Variants in SRGAP2 observed in about 807,000 individuals in gnomAD.
SRGAP2 encodes SLIT-ROBO Rho GTPase activating protein 2, also known as SLIT-ROBO Rho GTPase-activating protein 2.
SRGAP2 carries 15 observed loss-of-function variants against 57.2 expected under a neutral mutation model. That is an observed-to-expected ratio of 0.26 (90% CI 0.18 to 0.40). The LOEUF (loss-of-function observed/expected upper bound fraction) is 0.40. Among genes scored for constraint, SRGAP2 ranks in the 10% least tolerant of loss-of-function variants. The pLI, the probability that SRGAP2 is intolerant of heterozygous loss-of-function variation, is 1.00. For missense variants in SRGAP2, 520 were observed against 669.6 expected, an observed-to-expected ratio of 0.78 and a Z score of 2.47; for synonymous variants, 249 against 248.0, an observed-to-expected ratio of 1.00 and a Z score of -0.04.
intron 2 of SRGAP2, among the ~76,000 whole-genome samples, chr1:206,266,684 C>T (rs549729260): frequency 1.3e-5 from 2 of 151,744 alleles, no homozygotes; most frequent in South Asian, 4.2e-4. Flanking sequence ...AGCTGCCTTA[C>T]CAGCTATGCT....
intron 14 of SRGAP2, among the ~76,000 whole-genome samples, chr1:206,433,454 C>T (rs1661439883): frequency 6.6e-6 from 1 of 152,090 alleles, no homozygotes; most frequent in Non-Finnish European, 1.5e-5. Flanking sequence ...GCCTGGCCAA[C>T]ATGGCGAAAC....
chr1:206,458,279 G>C, intron 21 of SRGAP2: 1 of 499,004 alleles, frequency 2.0e-6, no homozygotes, highest in Admixed American at 2.4e-5. Flanking sequence ...TGGGGCCTTA[G>C]GTTTCTGTTC....
intron 17 of SRGAP2, among the ~76,000 whole-genome samples, chr1:206,440,330 A>G (rs1323100797): frequency 6.6e-6 from 1 of 152,228 alleles, no homozygotes; most frequent in African/African-American, 2.4e-5. Context: ...AGTGCTTAGA[A>G]GAAAAATAAA....
chr1:206,394,682 G>A (rs1466759594), intron 7 of SRGAP2, among the ~76,000 whole-genome samples: 2 of 151,886 alleles, frequency 1.3e-5, no homozygotes, highest in African/African-American at 2.4e-5. Context: ...TGAGGAAAGC[G>A]GCTAATAGGC....
intron 13 of SRGAP2, among the ~76,000 whole-genome samples, chr1:206,426,744 G>A (rs1401261483): frequency 1.3e-5 from 2 of 152,142 alleles, no homozygotes; most frequent in Admixed American, 6.5e-5. Flanking sequence ...TCACATACCT[G>A]TTGGCCATTT....
chr1:206,443,395 A>T (rs1662482871), intron 17 of SRGAP2, among the ~76,000 whole-genome samples: 1 of 152,154 alleles, frequency 6.6e-6, no homozygotes, highest in Non-Finnish European at 1.5e-5. Flanking sequence ...TGTTTTTGAG[A>T]TGGAGTTTTG....
At chr1:206,334,306 C>T (rs1427738607) in intron 3 of SRGAP2, among the ~76,000 whole-genome samples, 2 of 149,348 alleles carry the variant, frequency 1.3e-5, no homozygotes, top group African/African-American at 2.5e-5. Context: ...TCCTGCACCC[C>T]CACACAAAAA....
chr1:206,431,071 A>G (rs1401134671), intron 14 of SRGAP2, among the ~76,000 whole-genome samples: 2 of 152,192 alleles, frequency 1.3e-5, no homozygotes, highest in Non-Finnish European at 2.9e-5. Flanking sequence ...ATTCAGAGGC[A>G]GCTATTCTCT....
At chr1:206,295,810 T>C (rs1671557680) in intron 2 of SRGAP2, among the ~76,000 whole-genome samples, 1 of 152,228 alleles carries the variant, frequency 6.6e-6, no homozygotes, top group Non-Finnish European at 1.5e-5. Flanking sequence ...TCAGAAATCC[T>C]CACTTTATCC....
At chr1:206,352,662 ATTTG>A (rs1267076296) in intron 4 of SRGAP2, among the ~76,000 whole-genome samples, 3 of 138,564 alleles carry the variant, frequency 2.2e-5, no homozygotes, top group Non-Finnish European at 3.0e-5. Context: ...CCATTTAAAA[ATTTG>A]TTTGTGTAAA....
At chr1:206,373,973 GACATATATGGAT>G (rs1462556257) in intron 4 of SRGAP2, among the ~76,000 whole-genome samples, 1 of 149,518 alleles carries the variant, frequency 6.7e-6, no homozygotes, top group Non-Finnish European at 1.5e-5. Context: ...TGACCTAAAT[GACATATATGGAT>G]ACTGCGCCTG....
At chr1:206,313,037 G>T (rs1418451081) in intron 3 of SRGAP2, among the ~76,000 whole-genome samples, 1 of 151,224 alleles carries the variant, frequency 6.6e-6, no homozygotes, top group Non-Finnish European at 1.5e-5. Context: ...GCTTTTAATA[G>T]CTCATTTTTT....
chr1:206,389,205 T>C (rs3098609), intron 5 of SRGAP2, among the ~76,000 whole-genome samples: 4,306 of 126,426 alleles, frequency 0.034, 143 homozygotes, highest in African/African-American at 0.11. Context: ...GATGGAGTCT[T>C]GCTCTGTTGC....
chr1:206,437,084 C>A lies in SRGAP2; in HGVS notation c.1633+42C>A, dbSNP rs577301155. 89 of 779,424 alleles carry A rather than the reference C, an allele frequency of 1.1e-4. 1 individual carries two copies. The South Asian group carries it at 1.2e-3, about 10-fold the overall frequency. The allele number at this position is 779,424 out of a possible 1,614,324, so 48.3% of individuals were successfully genotyped here. On this transcript the variant is annotated intron_variant, in intron 15 of 22. Coordinates refer to ENST00000573034, the MANE Select transcript of SRGAP2 (RefSeq NM_015326.5). The stretch of plus-strand genomic sequence containing the variant: ...GAAGATAAAACCAAATATTTGCCAG[C>A]CCCCTGGGGTATTGGCTCCACCCTT...
chr1:206,420,934 A>G (rs1553364096), intron 12 of SRGAP2, among the ~76,000 whole-genome samples: 1 of 152,184 alleles, frequency 6.6e-6, no homozygotes, highest in Non-Finnish European at 1.5e-5. Context: ...ATATTTTACT[A>G]AAAATTGAAC....
intron 3 of SRGAP2, among the ~76,000 whole-genome samples, chr1:206,334,767 A>G (rs1265454546): frequency 6.6e-6 from 1 of 151,858 alleles, no homozygotes; most frequent in Non-Finnish European, 1.5e-5. Context: ...TCTAGAATGA[A>G]CTACCAGGGG....
chr1:206,247,466 T>A (rs1392070260), intron 2 of SRGAP2, among the ~76,000 whole-genome samples: 1 of 151,834 alleles, frequency 6.6e-6, no homozygotes, highest in Non-Finnish European at 1.5e-5. Flanking sequence ...GGAGCCTCCA[T>A]ACTGTGGGGG....
intron 7 of SRGAP2, among the ~76,000 whole-genome samples, chr1:206,394,860 C>T (rs1657414919): frequency 6.6e-6 from 1 of 151,714 alleles, no homozygotes; most frequent in Non-Finnish European, 1.5e-5. Flanking sequence ...CTAAGTGAAG[C>T]TATGTAATTA....
intron 5 of SRGAP2, among the ~76,000 whole-genome samples, chr1:206,387,125 C>CAAAAAAAAA (rs782327960): frequency 1.2e-5 from 1 of 83,544 alleles, no homozygotes; most frequent in African/African-American, 4.5e-5. Flanking sequence ...GACTCTGTCT[C>CAAAAAAAAA]AAAAAAAAAA....
Sources: allele counts gnomAD v4.1 joint callset (sites outside exome capture counted in the v4.1 genomes callset), GRCh38; gene constraint gnomAD v4.1.1; transcripts MANE v1.5; gene names NCBI Gene and HGNC (gene_info 2026-07-23, HGNC 2026-07-21).